EHMT1: variants seen among roughly 807,000 people sequenced by gnomAD.
EHMT1 encodes histone-lysine N-methyltransferase EHMT1.
A neutral mutation model predicts 147.2 loss-of-function variants in EHMT1; 15 were observed. The observed-to-expected ratio is 0.10, with a 90% confidence interval of 0.07 to 0.16. EHMT1 has a LOEUF of 0.16. EHMT1 is among the 10% of genes least tolerant of loss of function. The pLI, the probability that EHMT1 is intolerant of heterozygous loss-of-function variation, is 1.00. For missense variants in EHMT1, 1,587 were observed against 1,772.4 expected, an observed-to-expected ratio of 0.90 and a Z score of 1.88; for synonymous variants, 795 against 709.6, an observed-to-expected ratio of 1.12 and a Z score of -1.91.
chr9:137,760,972 A>C (rs936915861), intron 9 of EHMT1, among the ~76,000 whole-genome samples: 2 of 152,174 alleles, frequency 1.3e-5, no homozygotes, highest in Admixed American at 1.3e-4. Flanking sequence ...GCACCACTGC[A>C]CTCCAGCCTG....
At chr9:137,715,489 A>G (rs1945126840) in intron 2 of EHMT1, 2 of 951,078 alleles carry the variant, frequency 2.1e-6, no homozygotes, top group South Asian at 4.9e-5. Context: ...ACAGATGATC[A>G]GGTCTGTTGT....
chr9:137,646,273 T>TAAA, intron 1 of EHMT1: 1 of 928,276 alleles, frequency 1.1e-6, no homozygotes, highest in South Asian at 4.9e-5. Context: ...TTTTACTTTT[T>TAAA]AAATGTAGAT....
At chr9:137,811,948 G>A (rs1329433612) in intron 19 of EHMT1, among the ~76,000 whole-genome samples, 3 of 152,218 alleles carry the variant, frequency 2.0e-5, no homozygotes, top group African/African-American at 7.2e-5. Context: ...CAGAGTCCCC[G>A]AGAGGCTCAG....
intron 1 of EHMT1, among the ~76,000 whole-genome samples, chr9:137,667,678 A>C (rs1939822938): frequency 1.3e-5 from 2 of 152,168 alleles, no homozygotes; most frequent in Non-Finnish European, 2.9e-5. Context: ...TAGGGGACAA[A>C]AAAATAACCA....
At position 137,716,843 on chromosome 9, in the gene EHMT1, A is replaced by T; in HGVS notation, c.303A>T (p.Ser101=). ...IAENGVSERD[S]EAAKQNHVTA... is the part of the protein sequence containing the mutation. ...AAAATGGGGTTTCAGAAAGAGACTC[A>T]GAAGCGGCGAAGCAAAACCACGTCA... is the stretch of plus-strand genomic sequence containing the variant. The change falls in exon 3 of 27, where the codon TCA becomes TCT. Residue 101 remains serine, a synonymous_variant. Coordinates refer to ENST00000460843, the MANE Select transcript of EHMT1 (RefSeq NM_024757.5). 1 of 1,613,332 alleles carries T rather than the reference A, an allele frequency of 6.2e-7. No individual in the cohort carries two copies. The highest frequency in any genetic ancestry group is 8.5e-7 in the Non-Finnish European group (1 of 1,179,900).
At chr9:137,816,112 G>GT in intron 23 of EHMT1, 50 bp downstream of exon 23, 1 of 1,517,866 alleles carries the variant, frequency 6.6e-7, no homozygotes. Flanking sequence ...GTATTAGCAC[G>GT]TATTAGCACG....
chr9:137,771,197 C>CTTTTTT (rs1189483493), intron 10 of EHMT1, among the ~76,000 whole-genome samples: 14 of 105,910 alleles, frequency 1.3e-4, no homozygotes, highest in Non-Finnish European at 1.7e-4. Context: ...TCTTCCATGT[C>CTTTTTT]TTTTTTTTTT....
At chr9:137,664,355 G>A (rs1224789642) in intron 1 of EHMT1, among the ~76,000 whole-genome samples, 1 of 150,480 alleles carries the variant, frequency 6.6e-6, no homozygotes, top group Non-Finnish European at 1.5e-5. Context: ...GCAGTGGTGT[G>A]ATCTCTGCTC....
At chr9:137,822,574 ACTT>A (rs1955499417) in intron 25 of EHMT1, among the ~76,000 whole-genome samples, 1 of 151,900 alleles carries the variant, frequency 6.6e-6, no homozygotes. Flanking sequence ...CCATCCTTTT[ACTT>A]CTTTTGTGAA....
At chr9:137,635,560 C>T (rs951147843) in intron 1 of EHMT1, among the ~76,000 whole-genome samples, 5 of 151,526 alleles carry the variant, frequency 3.3e-5, no homozygotes, top group Admixed American at 1.3e-4. Flanking sequence ...GTGGCTCACG[C>T]CTGTAATCCC....
intron 1 of EHMT1, among the ~76,000 whole-genome samples, chr9:137,679,641 G>C (rs1941745727): frequency 6.6e-6 from 1 of 152,112 alleles, no homozygotes; most frequent in Non-Finnish European, 1.5e-5. Flanking sequence ...CCGTTTTTAT[G>C]TTGTCTTTTT....
At chr9:137,663,897 C>T (rs1014650811) in intron 1 of EHMT1, among the ~76,000 whole-genome samples, 18 of 152,208 alleles carry the variant, frequency 1.2e-4, no homozygotes, top group African/African-American at 4.1e-4. Flanking sequence ...GAGTAAGCTA[C>T]ACATATACCA....
chr9:137,741,091 C>T (rs1458871054), intron 4 of EHMT1, among the ~76,000 whole-genome samples: 13 of 152,098 alleles, frequency 8.5e-5, no homozygotes, highest in Admixed American at 7.2e-4. Flanking sequence ...ATTCTCCTGC[C>T]TCAGCCTCCC....
At chr9:137,792,881 G>A (rs1007418091) in intron 16 of EHMT1, among the ~76,000 whole-genome samples, 4 of 152,228 alleles carry the variant, frequency 2.6e-5, no homozygotes, top group East Asian at 1.9e-4. Flanking sequence ...AATTAAAAAC[G>A]TTTGGCCCTG....
chr9:137,697,293 A>G (rs1943472732), intron 1 of EHMT1: 1 of 215,814 alleles, frequency 4.6e-6, no homozygotes, highest in Non-Finnish European at 9.9e-6. Context: ...CAAACAAACA[A>G]CCAGTGCAGA....
chr9:137,812,068 G>A (rs1405957356), intron 19 of EHMT1, among the ~76,000 whole-genome samples: 1 of 152,248 alleles, frequency 6.6e-6, no homozygotes, highest in Non-Finnish European at 1.5e-5. Flanking sequence ...CTGGGTGGTG[G>A]TGGCTCACGC....
chr9:137,798,417 A>G (rs1204568055), intron 16 of EHMT1, among the ~76,000 whole-genome samples: 4 of 149,932 alleles, frequency 2.7e-5, no homozygotes, highest in Non-Finnish European at 6.0e-5. Context: ...GGAGAGAAAG[A>G]AAAAAAAAAC....
At chr9:137,649,328 C>T (rs369146937) in intron 1 of EHMT1, among the ~76,000 whole-genome samples, 4 of 152,136 alleles carry the variant, frequency 2.6e-5, no homozygotes, top group South Asian at 2.1e-4. Flanking sequence ...GATGTGGTGA[C>T]GGGTGCCTGT....
At chr9:137,801,138 G>A (rs1457211100) in intron 18 of EHMT1, among the ~76,000 whole-genome samples, 154 bp downstream of exon 18, 2 of 152,174 alleles carry the variant, frequency 1.3e-5, no homozygotes, top group East Asian at 3.9e-4. Context: ...TGCTGTGGCT[G>A]TCCTGTGCTG....
Sources: allele counts gnomAD v4.1 joint callset (sites outside exome capture counted in the v4.1 genomes callset), GRCh38; gene constraint gnomAD v4.1.1; transcripts MANE v1.5; gene names NCBI Gene and HGNC (gene_info 2026-07-23, HGNC 2026-07-21).